The following KCNAB1 variants were observed in gnomAD, a reference collection of about 807,000 sequenced individuals.
KCNAB1 encodes voltage-gated potassium channel subunit beta-1.
KCNAB1 carries 35 observed loss-of-function variants against 64.6 expected under a neutral mutation model. The observed-to-expected ratio is 0.54, with a 90% CI of 0.41 to 0.72. KCNAB1 has a LOEUF of 0.72. Ranked by LOEUF, KCNAB1 falls within the 30% of genes least tolerant of loss-of-function variation. The pLI, the probability that KCNAB1 is intolerant of heterozygous loss-of-function variation, is 0.00. For missense variants in KCNAB1, 401 were observed against 512.9 expected (o/e 0.78, Z 2.11); for synonymous variants, 177 against 183.8 (o/e 0.96, Z 0.30).
intron 1 of KCNAB1, among the ~76,000 whole-genome samples, chr3:156,293,783 A>C (rs1720607229): frequency 6.6e-6 from 1 of 152,176 alleles, no homozygotes; most frequent in African/African-American, 2.4e-5. Flanking sequence ...TCTTGAGTCC[A>C]CTGATGTTTT....
intron 8 of KCNAB1, among the ~76,000 whole-genome samples, chr3:156,513,354 A>T (rs1367748551): frequency 6.6e-6 from 1 of 152,148 alleles, no homozygotes; most frequent in East Asian, 1.9e-4. Flanking sequence ...TAATAATAAT[A>T]AAAAAATACA....
At chr3:156,311,577 C>A (rs9864598) in intron 1 of KCNAB1, among the ~76,000 whole-genome samples, 1 of 152,078 alleles carries the variant, frequency 6.6e-6, no homozygotes, top group African/African-American at 2.4e-5. Flanking sequence ...TGCACCCATG[C>A]GCAGACCTGG....
chr3:156,129,374 A>C lies in KCNAB1; in HGVS notation c.275+8488A>C, dbSNP rs73876106. On this transcript the variant is annotated intron_variant, in intron 1 of 13. Coordinates refer to ENST00000490337, the MANE Select transcript of KCNAB1 (RefSeq NM_172160.3). ...ATGAGTTTAAAATTTAGCCTTAGCTATACAGCTTAGCTTATTAAAGTTTCA... is the reference window on the plus strand; with the variant it reads ...ATGAGTTTAAAATTTAGCCTTAGCTCTACAGCTTAGCTTATTAAAGTTTCA... Among the ~76,000 whole-genome samples, 756 of 152,326 alleles carry C rather than the reference A, an allele frequency of 5.0e-3. 8 individuals carry two copies. Among genetic ancestry groups the C allele is most frequent in the African/African-American group, 0.017 (712 of 41,562 alleles).
Position 156,513,069 on chromosome 3 carries a change from G to T in KCNAB1, c.659-1295G>T, listed in dbSNP as rs540887235. ...CTACCAAAAATACAAAAAGTTAGCC[G>T]GGTGTGGTGGCGGGCACCTGTAGTC... On this transcript the variant is annotated intron_variant, in intron 8 of 13. Coordinates refer to ENST00000490337, the MANE Select transcript of KCNAB1 (RefSeq NM_172160.3). Among the ~76,000 whole-genome samples, 7 of 152,296 alleles carry T rather than the reference G, an allele frequency of 4.6e-5. No homozygotes were observed. The South Asian group carries it at 1.5e-3, about 32-fold the overall frequency.
At chr3:156,451,196 T>G (rs139969978) in intron 2 of KCNAB1, among the ~76,000 whole-genome samples, 83 of 152,334 alleles carry the variant, frequency 5.4e-4, no homozygotes, top group African/African-American at 1.9e-3. Context: ...CAAAATTTAT[T>G]AAAATACCAA....
intron 1 of KCNAB1, among the ~76,000 whole-genome samples, chr3:156,271,660 C>G (rs939811431): frequency 6.6e-6 from 1 of 152,194 alleles, no homozygotes; most frequent in African/African-American, 2.4e-5. Context: ...TATGAAACGT[C>G]AAATATCTGT....
At position 156,174,042 on chromosome 3, in the gene KCNAB1, G is replaced by A. The variant is rs4130600; in HGVS notation, c.275+53156G>A. 1.5e-3 allele frequency among the ~76,000 whole-genome samples: 228 copies of A among 152,280 alleles called. 2 individuals carry two copies. Among genetic ancestry groups the A allele is most frequent in the African/African-American group, 5.2e-3 (218 of 41,574 alleles). ...GGAACAACACCACCAACTTTCCTGA[G>A]TCTCCAGCTTGCAGACTACCGATTA... On this transcript the variant is annotated intron_variant, in intron 1 of 13. Coordinates refer to ENST00000490337, the MANE Select transcript of KCNAB1 (RefSeq NM_172160.3).
At chr3:156,354,138 A>G (rs1431121596) in intron 1 of KCNAB1, among the ~76,000 whole-genome samples, 2 of 143,996 alleles carry the variant, frequency 1.4e-5, no homozygotes, top group African/African-American at 5.2e-5. Flanking sequence ...ATATATATAT[A>G]TATATGTGTA....
chr3:156,419,500 CA>C (rs1242279317), intron 1 of KCNAB1, among the ~76,000 whole-genome samples: 4 of 81,410 alleles, frequency 4.9e-5, no homozygotes, highest in Admixed American at 1.5e-4. Context: ...GACTCCGTCT[CA>C]AAAAAAAAGA....
intron 1 of KCNAB1, among the ~76,000 whole-genome samples, chr3:156,193,440 G>A (rs1002942440): frequency 6.6e-6 from 1 of 152,088 alleles, no homozygotes; most frequent in Non-Finnish European, 1.5e-5. Context: ...CAAATGTAAG[G>A]GTTCTGAGCA....
At chr3:156,291,773 C>T (rs1560177992) in intron 1 of KCNAB1, 6 of 1,503,328 alleles carry the variant, frequency 4.0e-6, no homozygotes, top group Admixed American at 2.1e-5. Context: ...CGCCAGGACT[C>T]CTCTGACGGC....
At chr3:156,423,501 A>G (rs1191560532) in intron 2 of KCNAB1, among the ~76,000 whole-genome samples, 1 of 152,148 alleles carries the variant, frequency 6.6e-6, no homozygotes, top group Non-Finnish European at 1.5e-5. Context: ...GTTAGTGAGG[A>G]TGAGAAGGAA....
intron 1 of KCNAB1, among the ~76,000 whole-genome samples, chr3:156,335,288 T>C (rs578095981): frequency 4.6e-5 from 7 of 152,250 alleles, no homozygotes; most frequent in Non-Finnish European, 1.0e-4. Flanking sequence ...TCCTCCTGTG[T>C]GTTTACACAC....
intron 13 of KCNAB1, among the ~76,000 whole-genome samples, chr3:156,535,037 C>T (rs1327712935): frequency 1.3e-5 from 2 of 152,028 alleles, no homozygotes; most frequent in Non-Finnish European, 2.9e-5. Flanking sequence ...TCCAACAAAT[C>T]CAGTTTCTAG....
intron 1 of KCNAB1, among the ~76,000 whole-genome samples, chr3:156,347,906 C>T (rs1300967354): frequency 6.6e-6 from 1 of 152,152 alleles, no homozygotes; most frequent in African/African-American, 2.4e-5. Context: ...GGATTAGTTA[C>T]AAGGATTCTT....
At chr3:156,329,841 A>G (rs1006402556) in intron 1 of KCNAB1, among the ~76,000 whole-genome samples, 4 of 152,148 alleles carry the variant, frequency 2.6e-5, no homozygotes, top group Admixed American at 6.5e-5. Context: ...TTAATTCCAC[A>G]TTTCAAGGGA....
chr3:156,537,573 G>A lies in KCNAB1; in HGVS notation c.*826G>A, dbSNP rs1238701351. 1.3e-5 allele frequency: 2 copies of A among 152,688 alleles called. No individual in the cohort carries two copies. Among genetic ancestry groups the A allele is most frequent in the African/African-American group, 4.8e-5 (2 of 41,430 alleles). The allele number at this position is 152,688 out of a possible 1,614,324, so 9.5% of individuals were successfully genotyped here. A position where few individuals can be genotyped will look rare whatever the true frequency, so the allele number is the denominator to read the frequency against. On this transcript the variant is annotated 3_prime_UTR_variant, in exon 14 of 14. Transcript: ENST00000490337. The stretch of plus-strand genomic sequence containing the variant: ...TGAAAGAGAGGGCTACACTGCTATG[G>A]AAACTTAGCTTCAAAGAAAATGCAA...
chr3:156,439,117 C>G (rs1373477578), intron 2 of KCNAB1, among the ~76,000 whole-genome samples: 1 of 151,558 alleles, frequency 6.6e-6, no homozygotes, highest in Non-Finnish European at 1.5e-5. Context: ...ACTCAAATCA[C>G]AGATTGGTCG....
chr3:156,229,896 G>C (rs1716416145), intron 1 of KCNAB1, among the ~76,000 whole-genome samples: 1 of 152,052 alleles, frequency 6.6e-6, no homozygotes, highest in Admixed American at 6.5e-5. Context: ...TCCTATGTAG[G>C]AAGAGCCTAT....
Sources: allele counts gnomAD v4.1 joint callset (sites outside exome capture counted in the v4.1 genomes callset), GRCh38; gene constraint gnomAD v4.1.1; transcripts MANE v1.5; gene names NCBI Gene and HGNC (gene_info 2026-07-23, HGNC 2026-07-21).